DPP10: variants seen among roughly 807,000 people sequenced by gnomAD.
DPP10 encodes dipeptidyl peptidase like 10.
In DPP10, 33 loss-of-function variants were observed where a neutral mutation model predicts 120.9. The observed-to-expected ratio is 0.27, with a 90% CI of 0.21 to 0.37. The LOEUF is 0.37. Ranked by LOEUF, DPP10 falls within the 10% of genes least tolerant of loss-of-function variation. The pLI is 1.00. For missense variants in DPP10, 816 were observed against 942.8 expected (o/e 0.87, Z 1.76); for synonymous variants, 337 against 326.1 (o/e 1.03, Z -0.36).
intron 1 of DPP10, among the ~76,000 whole-genome samples, chr2:114,751,646 C>G (rs1679233835): frequency 6.6e-6 from 1 of 152,212 alleles, no homozygotes; most frequent in Admixed American, 6.5e-5. Context: ...AATGAGCTAG[C>G]AGAAGGTTAA....
At chr2:115,213,134 T>C (rs569708115) in intron 1 of DPP10, among the ~76,000 whole-genome samples, 27 of 152,264 alleles carry the variant, frequency 1.8e-4, no homozygotes, top group African/African-American at 6.0e-4. Flanking sequence ...GAGAGAATTA[T>C]AGGAAAGTCT....
intron 3 of DPP10, among the ~76,000 whole-genome samples, chr2:115,461,543 A>G (rs987775271): frequency 8.5e-5 from 13 of 152,152 alleles, no homozygotes; most frequent in Non-Finnish European, 1.3e-4. Context: ...CACACTTATA[A>G]GCAAAAACTG....
chr2:115,578,617 G>A (rs2081828604), intron 5 of DPP10, among the ~76,000 whole-genome samples: 1 of 152,080 alleles, frequency 6.6e-6, no homozygotes, highest in South Asian at 2.1e-4. Flanking sequence ...GAAGCCACCT[G>A]GATAAAACAA....
chr2:114,466,166 T>A (rs1679353082), intron 1 of DPP10, among the ~76,000 whole-genome samples: 2 of 152,202 alleles, frequency 1.3e-5, no homozygotes, highest in African/African-American at 4.8e-5. Flanking sequence ...TACTAAAACT[T>A]GTTTGGGAGA....
At chr2:115,407,638 G>A (rs954281369) in intron 3 of DPP10, among the ~76,000 whole-genome samples, 1 of 152,022 alleles carries the variant, frequency 6.6e-6, no homozygotes, top group Non-Finnish European at 1.5e-5. Context: ...TCTTTTACGG[G>A]TGTGTACATG....
chr2:114,813,941 AACACACACACACACACACACACACACAC>A (rs375858356), intron 1 of DPP10, among the ~76,000 whole-genome samples: 1 of 139,400 alleles, frequency 7.2e-6, no homozygotes, highest in Admixed American at 7.3e-5. Context: ...GGCACGCATG[AACACACACACACACACACACACACACAC>A]ACACACACAC....
intron 5 of DPP10, among the ~76,000 whole-genome samples, chr2:115,603,470 G>A (rs1036660122): frequency 9.2e-5 from 14 of 151,550 alleles, no homozygotes; most frequent in African/African-American, 3.2e-4. Flanking sequence ...GTAAGCAAGG[G>A]TGTAAGCTCA....
intron 7 of DPP10, among the ~76,000 whole-genome samples, chr2:115,709,512 A>T (rs1366024351): frequency 1.3e-5 from 2 of 152,006 alleles, no homozygotes; most frequent in African/African-American, 4.8e-5. Context: ...CCTATCTTAA[A>T]TCTATTGATA....
chr2:114,832,826 A>C (rs1687260325), intron 1 of DPP10, among the ~76,000 whole-genome samples: 1 of 152,152 alleles, frequency 6.6e-6, no homozygotes, highest in African/African-American at 2.4e-5. Flanking sequence ...AAATGGGGAC[A>C]TGAGTCAAGT....
chr2:115,690,059 C>A, intron 7 of DPP10, 138 bp downstream of exon 7: 1 of 712,322 alleles, frequency 1.4e-6, no homozygotes, highest in Non-Finnish European at 2.3e-6. Context: ...TATCTTTTAT[C>A]TAATAGTCCA....
At chr2:114,923,650 T>A (rs1695379404) in intron 1 of DPP10, among the ~76,000 whole-genome samples, 1 of 150,948 alleles carries the variant, frequency 6.6e-6, no homozygotes, top group African/African-American at 2.4e-5. Context: ...GGCTAATTTT[T>A]TGTATTTTTA....
At chr2:114,984,307 G>A (rs1040454699) in intron 1 of DPP10, among the ~76,000 whole-genome samples, 2 of 152,118 alleles carry the variant, frequency 1.3e-5, no homozygotes, top group Non-Finnish European at 2.9e-5. Context: ...ATGAACCCTG[G>A]TTTGCAGAAT....
chr2:114,940,653 AC>A (rs1200232280), intron 1 of DPP10, among the ~76,000 whole-genome samples: 6 of 152,156 alleles, frequency 3.9e-5, no homozygotes, highest in Non-Finnish European at 7.4e-5. Context: ...AAGATATGAA[AC>A]TTTGTCTTTA....
At chr2:114,923,057 T>C (rs756797773) in intron 1 of DPP10, among the ~76,000 whole-genome samples, 2 of 152,226 alleles carry the variant, frequency 1.3e-5, no homozygotes, top group Non-Finnish European at 2.9e-5. Context: ...TTAATTCAAA[T>C]CCTTTGCTCC....
chr2:114,742,344 A>G (rs1223466532), intron 1 of DPP10, among the ~76,000 whole-genome samples: 2 of 152,246 alleles, frequency 1.3e-5, no homozygotes, highest in African/African-American at 4.8e-5. Flanking sequence ...GGAGAAGAAG[A>G]AAAAACTAAA....
At chr2:115,126,754 C>T (rs1444750464) in intron 1 of DPP10, among the ~76,000 whole-genome samples, 1 of 152,144 alleles carries the variant, frequency 6.6e-6, no homozygotes. Flanking sequence ...TGATTACAGG[C>T]ATTTGTACTA....
chr2:114,981,338 A>G (rs1326629995), intron 1 of DPP10, among the ~76,000 whole-genome samples: 1 of 152,204 alleles, frequency 6.6e-6, no homozygotes, highest in Non-Finnish European at 1.5e-5. Flanking sequence ...ACTTGTAGCC[A>G]ATAAAAATAA....
At chr2:115,643,712 A>G (rs2086982650) in intron 5 of DPP10, among the ~76,000 whole-genome samples, 1 of 152,202 alleles carries the variant, frequency 6.6e-6, no homozygotes, top group Non-Finnish European at 1.5e-5. Flanking sequence ...AGCTGATTAC[A>G]AGGTTTTGGT....
At chr2:115,167,919 G>A (rs1303835175) in intron 1 of DPP10, among the ~76,000 whole-genome samples, 2 of 152,176 alleles carry the variant, frequency 1.3e-5, no homozygotes, top group Admixed American at 6.5e-5. Context: ...AGTTGAATTA[G>A]CTGCTGAATA....
Sources: allele counts gnomAD v4.1 joint callset (sites outside exome capture counted in the v4.1 genomes callset), GRCh38; gene constraint gnomAD v4.1.1; transcripts MANE v1.5; gene names NCBI Gene and HGNC (gene_info 2026-07-23, HGNC 2026-07-21).